Variants in TAB1 observed in about 807,000 individuals in gnomAD.
TAB1 encodes the protein TGF-beta activated kinase 1 (MAP3K7) binding protein 1.
A neutral mutation model predicts 54.5 loss-of-function variants in TAB1; 30 were observed. The ratio of observed to expected loss-of-function variants is 0.55; its 90% CI spans 0.41 to 0.75. The LOEUF (loss-of-function observed/expected upper bound fraction) is 0.75, where lower values mean the gene tolerates loss of function less well. TAB1 is among the 30% of genes least tolerant of loss of function. The pLI, the probability that TAB1 is intolerant of heterozygous loss-of-function variation, is 0.00. For missense variants in TAB1, 609 were observed against 683.2 expected (o/e 0.89, Z 1.21); for synonymous variants, 289 against 286.9 (o/e 1.01, Z -0.07).
intron 1 of TAB1, among the ~76,000 whole-genome samples, chr22:39,411,847 G>GAT (rs1479125296): frequency 6.6e-6 from 1 of 152,120 alleles, no homozygotes; most frequent in East Asian, 1.9e-4. Context: ...TGGATGAATG[G>GAT]ATAAACAAAC....
Position 39,416,787 on chromosome 22 carries a change from CT to C in TAB1, c.325-3del. The C allele has an allele frequency of 2.5e-6, 4 of 1,614,150 alleles. No individual in the cohort carries two copies. Among genetic ancestry groups the C allele is most frequent in the Non-Finnish European group, 3.4e-6 (4 of 1,179,970 alleles). On this transcript the variant is annotated splice_region_variant and splice_polypyrimidine_tract_variant and intron_variant, in intron 3 of 10. Coordinates refer to ENST00000216160, the MANE Select transcript of TAB1 (RefSeq NM_006116.3). Reference sequence around the variant, plus strand: ...AGCCTTTGCCCTGTCCTGTGTCCCCCTAGGCCTTCGATGTGGTGGAGAGGAG... The same window carrying C: ...AGCCTTTGCCCTGTCCTGTGTCCCCCAGGCCTTCGATGTGGTGGAGAGGAG...
chr22:39,412,979 A>T (rs1486414132), intron 1 of TAB1, among the ~76,000 whole-genome samples: 1 of 143,796 alleles, frequency 7.0e-6, no homozygotes, highest in African/African-American at 2.6e-5. Context: ...CAGTTGCACG[A>T]TCTCGGCTCA....
In TAB1 at chr22:39,431,505, G is replaced by C; in HGVS notation, c.*1283G>C. ...CCATGCCCCAGACCGGCCCACCAGG[G>C]ACTAGCCGCTGTCGCACAGCCTCTG... is the stretch of plus-strand genomic sequence containing the variant. On this transcript the variant is annotated 3_prime_UTR_variant, in exon 11 of 11. Coordinates refer to ENST00000216160, the MANE Select transcript of TAB1 (RefSeq NM_006116.3). The C allele has an allele frequency of 1.0e-6, 1 of 985,564 alleles. No individual in the cohort carries two copies. The highest frequency in any genetic ancestry group is 1.2e-6 in the Non-Finnish European group (1 of 830,052). 61.1% of individuals were successfully genotyped at this position (985,564 alleles called of 1,614,324 possible). A position where few individuals can be genotyped will look rare whatever the true frequency, so the allele number is the denominator to read the frequency against.
chr22:39,420,882 CTGTGTGTGTGTGTG>C (rs3043618), intron 7 of TAB1, among the ~76,000 whole-genome samples: 13 of 14,388 alleles, frequency 9.0e-4, no homozygotes, highest in Admixed American at 4.2e-3. Context: ...GTGTCTCTCT[CTGTGTGTGTGTGTG>C]TGTGTGTGTG....
At chr22:39,416,576 G>A (rs899058622) in intron 3 of TAB1, among the ~76,000 whole-genome samples, 3 of 152,252 alleles carry the variant, frequency 2.0e-5, no homozygotes, top group African/African-American at 7.2e-5. Context: ...ACACCCCTTC[G>A]AGGCTGAAGG....
chr22:39,419,437 C>T (rs1370347351), intron 6 of TAB1, 82 bp from the exon 7 acceptor site: 4 of 1,208,330 alleles, frequency 3.3e-6, no homozygotes, highest in Non-Finnish European at 4.7e-6. Flanking sequence ...TTGCCTTCTT[C>T]CCATGACTGT....
chr22:39,424,066 A>G (rs1927213137), intron 8 of TAB1, among the ~76,000 whole-genome samples: 1 of 152,184 alleles, frequency 6.6e-6, no homozygotes. Context: ...GTGCATTCCC[A>G]TCATTTAGCT....
chr22:39,423,003 T>C (rs6001587), intron 8 of TAB1, among the ~76,000 whole-genome samples: 115,269 of 149,030 alleles, frequency 0.77, 45,602 homozygotes, highest in East Asian at 1. Context: ...TTTTAAGACT[T>C]GCTGTGTCAC....
At position 39,430,514 on chromosome 22, in the gene TAB1, T is replaced by C; in HGVS notation, c.*292T>C. 1 of 1,299,342 alleles carries C rather than the reference T, an allele frequency of 7.7e-7. No individual in the cohort carries two copies. Among genetic ancestry groups the C allele is most frequent in the Non-Finnish European group, 9.9e-7 (1 of 1,013,812 alleles). The allele number at this position is 1,299,342 out of a possible 1,614,324, so 80.5% of individuals were successfully genotyped here. A position where few individuals can be genotyped will look rare whatever the true frequency, so the allele number is the denominator to read the frequency against. On this transcript the variant is annotated 3_prime_UTR_variant, in exon 11 of 11. Coordinates refer to ENST00000216160, the MANE Select transcript of TAB1 (RefSeq NM_006116.3). ...CCAGGTATAGAAACCGCAGTGGGCC[T>C]GCAAGCCGCCCGAGCCTCCCCAGCA... is the stretch of plus-strand genomic sequence containing the variant.
chr22:39,424,038 A>G (rs994173127), intron 8 of TAB1, among the ~76,000 whole-genome samples: 1 of 152,052 alleles, frequency 6.6e-6, no homozygotes, highest in Admixed American at 6.5e-5. Flanking sequence ...AAGTTCCATT[A>G]TATCACTCTG....
chr22:39,402,369 A>G lies in TAB1; in HGVS notation c.33+2534A>G, dbSNP rs117358444. 1.7e-3 allele frequency among the ~76,000 whole-genome samples: 261 copies of G among 152,244 alleles called. 6 individuals carry two copies. The East Asian group carries it at 0.043, about 25-fold the overall frequency. On this transcript the variant is annotated intron_variant, in intron 1 of 10. Transcript: ENST00000216160. ...GTGTTTGTTAAGCTTTTCACAAGTT[A>G]AGTACAATTAGTACTACAAGTCTAT...
Position 39,430,687 on chromosome 22 carries a change from G to A in TAB1, c.*465G>A, listed in dbSNP as rs2145685924. On this transcript the variant is annotated 3_prime_UTR_variant, in exon 11 of 11. Coordinates refer to ENST00000216160, the MANE Select transcript of TAB1 (RefSeq NM_006116.3). The stretch of plus-strand genomic sequence containing the variant: ...TCCACTTCTCCAGCCTCTCAGCCCT[G>A]TGCTCCTGCATCCAGAGTGGAACCC... The A allele has an allele frequency of 9.6e-7, 1 of 1,047,098 alleles. No individual in the cohort carries two copies. The allele number at this position is 1,047,098 out of a possible 1,614,324, so 64.9% of individuals were successfully genotyped here.
At chr22:39,414,474 A>T (rs1926735961) in intron 1 of TAB1, among the ~76,000 whole-genome samples, 1 of 152,230 alleles carries the variant, frequency 6.6e-6, no homozygotes, top group South Asian at 2.1e-4. Context: ...AGGCTAGCTT[A>T]TAAGTCGGAG....
At chr22:39,420,953 A>G (rs893051223) in intron 7 of TAB1, among the ~76,000 whole-genome samples, 7 of 138,912 alleles carry the variant, frequency 5.0e-5, no homozygotes, top group African/African-American at 2.0e-4. Context: ...AGGAGCCTGC[A>G]TCCTTTTCGG....
At position 39,430,588 on chromosome 22, in the gene TAB1, G is replaced by A; in HGVS notation, c.*366G>A. ...CGCCCTGTGAACCCTGAGTGTTGCA[G>A]GCCCAGCAGACCCTGCTGTCCCAAG... On this transcript the variant is annotated 3_prime_UTR_variant, in exon 11 of 11. Coordinates refer to ENST00000216160, the MANE Select transcript of TAB1 (RefSeq NM_006116.3). 1 of 1,144,076 alleles carries A rather than the reference G, an allele frequency of 8.7e-7. No homozygotes were observed. Among genetic ancestry groups the A allele is most frequent in the East Asian group, 5.6e-5 (1 of 17,946 alleles). The allele number at this position is 1,144,076 out of a possible 1,614,324, so 70.9% of individuals were successfully genotyped here.
intron 3 of TAB1, 87 bp from the exon 4 acceptor site, chr22:39,416,704 G>A: frequency 7.9e-7 from 1 of 1,267,218 alleles, no homozygotes; most frequent in Non-Finnish European, 1.2e-6. Context: ...AGACAGCAAA[G>A]CTGCTGCTCT....
At chr22:39,400,668 G>C (rs562797250) in intron 1 of TAB1, among the ~76,000 whole-genome samples, 1 of 152,228 alleles carries the variant, frequency 6.6e-6, no homozygotes, top group Non-Finnish European at 1.5e-5. Context: ...CCAGGGTAGG[G>C]TGCTGGCCTC....
chr22:39,401,608 G>A (rs1379253040), intron 1 of TAB1, among the ~76,000 whole-genome samples: 2 of 152,192 alleles, frequency 1.3e-5, no homozygotes, highest in African/African-American at 4.8e-5. Flanking sequence ...TAGATGTGAT[G>A]GAACCAAAGG....
rs200821034 is a variant in TAB1 at position 39,410,674 on chromosome 22, AAAAT to A, written c.34-4320_34-4317del. 6.3e-3 allele frequency among the ~76,000 whole-genome samples: 963 copies of A among 152,220 alleles called. 11 individuals are homozygous for A. Among genetic ancestry groups the A allele is most frequent in the African/African-American group, 0.021 (890 of 41,526 alleles). On this transcript the variant is annotated intron_variant, in intron 1 of 10. Transcript: ENST00000216160. ...ACCTTGTAGTAAAATTGTGTTAATAAAAATAAATAAATAAAAGTCACCCAGTGAA... is the reference window on the plus strand; with the variant it reads ...ACCTTGTAGTAAAATTGTGTTAATAAAAATAAATAAAAGTCACCCAGTGAA...
Sources: allele counts gnomAD v4.1 joint callset (sites outside exome capture counted in the v4.1 genomes callset), GRCh38; gene constraint gnomAD v4.1.1; transcripts MANE v1.5; gene names NCBI Gene and HGNC (gene_info 2026-07-23, HGNC 2026-07-21).